Variants in PRKG2 observed in about 807,000 individuals in gnomAD.
PRKG2 encodes cGMP-dependent protein kinase 2.
PRKG2 carries 33 observed loss-of-function variants against 97.2 expected under a neutral mutation model. The observed-to-expected ratio is 0.34, with a 90% CI of 0.26 to 0.45. The LOEUF (loss-of-function observed/expected upper bound fraction) is 0.45. Ranked by LOEUF, PRKG2 falls within the 20% of genes least tolerant of loss-of-function variation. The pLI, the probability that PRKG2 is intolerant of heterozygous loss-of-function variation, is 1.00. For synonymous variants in PRKG2, 330 were observed against 321.8 expected (o/e 1.03, Z -0.27); for missense variants, 638 against 900.0 (o/e 0.71, Z 3.73).
chr4:81,115,245 G>T (rs989892615), intron 14 of PRKG2, among the ~76,000 whole-genome samples: 1 of 152,000 alleles, frequency 6.6e-6, no homozygotes, highest in Non-Finnish European at 1.5e-5. Context: ...AGTTCTGACC[G>T]CTCTACATCT....
At chr4:81,210,206 G>C (rs1753895767) in intron 1 of PRKG2, among the ~76,000 whole-genome samples, 1 of 151,406 alleles carries the variant, frequency 6.6e-6, no homozygotes, top group Non-Finnish European at 1.5e-5. Context: ...CAAAAAGCCT[G>C]ATTCATAGAC....
chr4:81,213,371 G>A (rs1389961762), intron 1 of PRKG2, among the ~76,000 whole-genome samples: 2 of 152,084 alleles, frequency 1.3e-5, no homozygotes, highest in African/African-American at 2.4e-5. Flanking sequence ...AAAGGAGAAG[G>A]AACACGTGTA....
intron 16 of PRKG2, among the ~76,000 whole-genome samples, chr4:81,104,977 A>T (rs1206224224): frequency 4.6e-5 from 7 of 152,194 alleles, no homozygotes; most frequent in Non-Finnish European, 1.0e-4. Context: ...TTAAAATAAG[A>T]ACAGAGGAGC....
At chr4:81,180,126 T>G (rs2110095117) in intron 2 of PRKG2, among the ~76,000 whole-genome samples, 1 of 151,788 alleles carries the variant, frequency 6.6e-6, no homozygotes, top group Non-Finnish European at 1.5e-5. Flanking sequence ...AGAGTGAAAC[T>G]CCATCTCAAA....
intron 9 of PRKG2, among the ~76,000 whole-genome samples, chr4:81,146,089 A>G (rs1461784674): frequency 1.3e-5 from 2 of 152,174 alleles, no homozygotes; most frequent in African/African-American, 4.8e-5. Context: ...TGAATTTTCT[A>G]ATCTCCAATA....
intron 14 of PRKG2, among the ~76,000 whole-genome samples, chr4:81,113,772 A>T (rs1476528128): frequency 6.6e-6 from 1 of 152,142 alleles, no homozygotes; most frequent in African/African-American, 2.4e-5. Flanking sequence ...TTTATGTGGC[A>T]TTTTTAGTGT....
intron 17 of PRKG2, among the ~76,000 whole-genome samples, chr4:81,101,261 G>A (rs1479401585): frequency 6.6e-6 from 1 of 152,094 alleles, no homozygotes; most frequent in East Asian, 1.9e-4. Flanking sequence ...AAAAACACAT[G>A]CACACGTACG....
At chr4:81,167,129 T>G in intron 6 of PRKG2, 32 bp downstream of exon 6, 1 of 1,406,460 alleles carries the variant, frequency 7.1e-7, no homozygotes, top group Non-Finnish European at 9.8e-7. Flanking sequence ...TATCTTCTAA[T>G]GAAATTTATT....
At chr4:81,168,077 T>C (rs549659834) in intron 5 of PRKG2, among the ~76,000 whole-genome samples, 42 of 152,084 alleles carry the variant, frequency 2.8e-4, no homozygotes, top group African/African-American at 9.9e-4. Flanking sequence ...CAAAGAGAAA[T>C]GTATTCCCCT....
intron 7 of PRKG2, 91 bp from the exon 8 acceptor site, chr4:81,152,145 T>G: frequency 1.1e-6 from 1 of 925,334 alleles, no homozygotes; most frequent in East Asian, 2.6e-5. Flanking sequence ...TCTAGACCTA[T>G]ATAAACTTGG....
intron 17 of PRKG2, among the ~76,000 whole-genome samples, chr4:81,104,123 A>G (rs756569994): frequency 6.6e-6 from 1 of 152,192 alleles, no homozygotes; most frequent in African/African-American, 2.4e-5. Context: ...TGACTTGAAG[A>G]TGTGATTTTG....
intron 17 of PRKG2, among the ~76,000 whole-genome samples, chr4:81,101,908 G>C (rs1330434657): frequency 6.6e-6 from 1 of 152,070 alleles, no homozygotes; most frequent in Non-Finnish European, 1.5e-5. Flanking sequence ...AAGCTACGCA[G>C]CTTAAAGACT....
intron 6 of PRKG2, among the ~76,000 whole-genome samples, chr4:81,156,725 A>G (rs2110066545): frequency 6.6e-6 from 1 of 152,322 alleles, no homozygotes; most frequent in East Asian, 1.9e-4. Context: ...ATTATAACAA[A>G]CTATCTCTCA....
intron 2 of PRKG2, among the ~76,000 whole-genome samples, chr4:81,199,172 A>G (rs1324207733): frequency 6.6e-6 from 1 of 152,158 alleles, no homozygotes. Context: ...AGCCTCTCAT[A>G]TGGCAACATG....
chr4:81,096,783 A>G (rs982132896), intron 17 of PRKG2, among the ~76,000 whole-genome samples: 9 of 152,196 alleles, frequency 5.9e-5, no homozygotes, highest in Non-Finnish European at 1.5e-5. Context: ...TCAGGCTTCA[A>G]TTCAAATTCT....
chr4:81,127,989 T>C (rs1271028705), intron 14 of PRKG2, among the ~76,000 whole-genome samples: 18 of 152,226 alleles, frequency 1.2e-4, no homozygotes, highest in Admixed American at 1.2e-3. Flanking sequence ...GCTGTTATTA[T>C]TTTGAGATAC....
chr4:81,206,706 A>G (rs1578527249), intron 1 of PRKG2, among the ~76,000 whole-genome samples: 2 of 152,320 alleles, frequency 1.3e-5, no homozygotes, highest in South Asian at 2.1e-4. Flanking sequence ...CTCGCCCTCC[A>G]AACTTCAAAC....
intron 14 of PRKG2, among the ~76,000 whole-genome samples, chr4:81,134,800 TA>T (rs1450380818): frequency 4.6e-5 from 7 of 152,156 alleles, no homozygotes; most frequent in Non-Finnish European, 1.0e-4. Flanking sequence ...GTAGAAATCA[TA>T]TTATCTTCTT....
intron 9 of PRKG2, among the ~76,000 whole-genome samples, chr4:81,147,162 C>T (rs1328298303): frequency 2.0e-5 from 3 of 152,100 alleles, no homozygotes; most frequent in Non-Finnish European, 4.4e-5. Flanking sequence ...AAAATTATTG[C>T]ATCCTCTTTA....
Sources: gnomAD v4.1 joint callset for allele counts (sites outside exome capture counted in the v4.1 genomes callset) on GRCh38, gnomAD v4.1.1 for gene constraint, MANE v1.5 for transcripts, NCBI Gene and HGNC (gene_info 2026-07-23, HGNC 2026-07-21) for gene names.